Variants in ALPK2 observed in about 807,000 individuals in gnomAD.
The protein encoded by ALPK2 is alpha-protein kinase 2.
In ALPK2, 127 loss-of-function variants were observed where a neutral mutation model predicts 163.1. That is an observed-to-expected ratio of 0.78 (90% CI 0.67 to 0.90). ALPK2 has a LOEUF of 0.90. Among genes scored for constraint, ALPK2 ranks in the 40% least tolerant of loss-of-function variants. The pLI is 0.00. For missense variants in ALPK2, 2,360 were observed against 2,589.6 expected, an observed-to-expected ratio of 0.91 and a Z score of 1.92; for synonymous variants, 953 against 959.1, an observed-to-expected ratio of 0.99 and a Z score of 0.12.
At chr18:58,566,979 G>A (rs1044508013) in intron 4 of ALPK2, among the ~76,000 whole-genome samples, 12 of 152,020 alleles carry the variant, frequency 7.9e-5, no homozygotes, top group African/African-American at 2.9e-4. Context: ...AGAATCCTCA[G>A]ACCGCATATT....
At position 58,607,716 on chromosome 18, in the gene ALPK2, A is replaced by C. The variant is rs112168216; in HGVS notation, c.110-277T>G. 2.5e-3 allele frequency among the ~76,000 whole-genome samples: 384 copies of C among 152,340 alleles called. 4 individuals carry two copies. Among genetic ancestry groups the C allele is most frequent in the African/African-American group, 8.8e-3 (367 of 41,578 alleles). Reference sequence around the variant, plus strand: ...TACCCCTAATCTCAACGTGCTATTAAGAAAAATTTTCCAATACTTGGAAAT... The same window carrying C: ...TACCCCTAATCTCAACGTGCTATTACGAAAAATTTTCCAATACTTGGAAAT... On this transcript the variant is annotated intron_variant, in intron 2 of 12. Transcript: ENST00000361673.
rs1269823991 is a variant in ALPK2, at chr18:58,481,711, A to C, written c.*112T>G. On this transcript the variant is annotated 3_prime_UTR_variant, in exon 13 of 13. Transcript: ENST00000361673. Reference sequence around the variant, plus strand: ...TCTTGGCGCACAGTCGGCTGGGAGTAAGGATTGCCACGCACTCTCTGCAGG... The same window carrying C: ...TCTTGGCGCACAGTCGGCTGGGAGTCAGGATTGCCACGCACTCTCTGCAGG... 3.6e-6 allele frequency: 3 copies of C among 827,572 alleles called. No homozygotes were observed. Among genetic ancestry groups the C allele is most frequent in the African/African-American group, 1.7e-5 (1 of 58,480 alleles). The allele number at this position is 827,572 out of a possible 1,614,324, so 51.3% of individuals were successfully genotyped here. A position where few individuals can be genotyped will look rare whatever the true frequency, so the allele number is the denominator to read the frequency against.
intron 10 of ALPK2, among the ~76,000 whole-genome samples, chr18:58,507,202 T>C (rs1230491896): frequency 6.6e-6 from 1 of 152,218 alleles, no homozygotes; most frequent in African/African-American, 2.4e-5. Flanking sequence ...ATATGTTTAA[T>C]GGATCAGAAG....
intron 3 of ALPK2, among the ~76,000 whole-genome samples, chr18:58,587,327 C>T (rs114375087): frequency 1.6e-3 from 244 of 152,250 alleles, no homozygotes; most frequent in African/African-American, 5.6e-3. Context: ...AGAGTTGCCA[C>T]GTTACATTGT....
At position 58,529,112 on chromosome 18, in the gene ALPK2, G is replaced by A. The variant is rs773604459; in HGVS notation, c.5480C>T (p.Ser1827Phe). The A allele has an allele frequency of 6.2e-7, 1 of 1,614,076 alleles. No homozygotes were observed. The highest frequency in any genetic ancestry group is 2.2e-5 in the East Asian group (1 of 44,868). The change falls in exon 6 of 13, where the codon TCC becomes TTC. Residue 1827 changes from serine (S) to phenylalanine (F), a missense_variant. Ser to Phe is a radical substitution (Grantham distance 155). Coordinates refer to ENST00000361673, the MANE Select transcript of ALPK2 (RefSeq NM_052947.4). ...STICWTKDSK[S>F]IAQVQRSAGD... ...GCACCTTCTCTGCACTTGGGCTATG[G>A]ACTTTGAATCTTTTGTCCAGCAGAT...
At chr18:58,549,096 G>A (rs1240250244) in intron 4 of ALPK2, among the ~76,000 whole-genome samples, 2 of 152,132 alleles carry the variant, frequency 1.3e-5, no homozygotes, top group East Asian at 1.9e-4. Context: ...GATCTAAACC[G>A]AAGCTTTATG....
chr18:58,544,645 A>G lies in ALPK2; in HGVS notation c.1963-6421T>C, dbSNP rs571618169. The G allele has an allele frequency of 7.2e-5, 11 of 152,374 alleles. No individual in the cohort carries two copies. In the South Asian group the frequency reaches 2.3e-3, roughly 32 times the overall value. 9.4% of individuals were successfully genotyped at this position (152,374 alleles called of 1,614,324 possible). ...ACAGAGTGTGGAAGGTCACCACTGT[A>G]TCATCCTCTTCCATTTCAACGATAA... On this transcript the variant is annotated intron_variant, in intron 4 of 12. Coordinates refer to ENST00000361673, the MANE Select transcript of ALPK2 (RefSeq NM_052947.4).
intron 4 of ALPK2, among the ~76,000 whole-genome samples, chr18:58,564,350 G>A (rs933560339): frequency 2.0e-5 from 3 of 151,744 alleles, no homozygotes; most frequent in Admixed American, 6.6e-5. Flanking sequence ...TCCAACTCCC[G>A]ACCTCAGGTG....
Position 58,536,840 on chromosome 18 carries a change from C to G in ALPK2, c.3347G>C (p.Arg1116Thr). ...CTCTTCATAGCTCCTAAAGTCTGCT[C>G]TGTCCACAGTCTGGCTCTTATCTCC... ...LSGDKSQTVD[R>T]ADFRSYEENF... Residue 1116 changes from arginine (R) to threonine (T), a missense_variant, in exon 5 of 13, where the codon AGA becomes ACA. Transcript: ENST00000361673. 1 of 1,614,168 alleles carries G rather than the reference C, an allele frequency of 6.2e-7. No individual in the cohort carries two copies. Among genetic ancestry groups the G allele is most frequent in the Non-Finnish European group, 8.5e-7 (1 of 1,180,020 alleles).
Position 58,610,758 on chromosome 18 carries a change from G to A in ALPK2, c.109+931C>T, listed in dbSNP as rs533204004. Among the ~76,000 whole-genome samples the A allele has an allele frequency of 2.3e-3, 347 of 151,712 alleles. 2 individuals carry two copies. Among genetic ancestry groups the A allele is most frequent in the African/African-American group, 8.2e-3 (339 of 41,324 alleles). ...AGATGGAGACCATCCTGGCCAACAT[G>A]GTGAACCACCCCCCTCCCCCCGTCC... On this transcript the variant is annotated intron_variant, in intron 2 of 12. Transcript: ENST00000361673.
chr18:58,606,457 C>A (rs900858661), intron 3 of ALPK2, among the ~76,000 whole-genome samples: 39 of 152,208 alleles, frequency 2.6e-4, no homozygotes, highest in African/African-American at 9.2e-4. Context: ...TACAATGAAA[C>A]TTCTACAAGC....
At chr18:58,513,730 A>G (rs1185877961) in intron 10 of ALPK2, among the ~76,000 whole-genome samples, 2 of 152,122 alleles carry the variant, frequency 1.3e-5, no homozygotes, top group Non-Finnish European at 2.9e-5. Context: ...ATTTTTTTTA[A>G]TTAGCCAGGT....
intron 4 of ALPK2, among the ~76,000 whole-genome samples, chr18:58,568,661 A>C (rs1432418035): frequency 6.6e-6 from 1 of 152,190 alleles, no homozygotes; most frequent in Non-Finnish European, 1.5e-5. Flanking sequence ...TTTGGGGAAA[A>C]ATTGCATCTT....
intron 4 of ALPK2, among the ~76,000 whole-genome samples, chr18:58,558,426 T>C (rs2051806065): frequency 6.6e-6 from 1 of 152,200 alleles, no homozygotes; most frequent in African/African-American, 2.4e-5. Context: ...TTTTAAAAAT[T>C]TGGCTTCCAA....
At position 58,536,269 on chromosome 18, in the gene ALPK2, G is replaced by A. The variant is rs761632782; in HGVS notation, c.3918C>T (p.Ala1306=). 6.2e-7 allele frequency: 1 copy of A among 1,614,046 alleles called. No homozygotes were observed. The highest frequency in any genetic ancestry group is 1.7e-5 in the Admixed American group (1 of 60,004). ...LAHSPEDAES[A]LADSRESHKG... ...TATGGCTTTCTCTGCTATCAGCAAG[G>A]GCTGACTCAGCATCCTCTGGACTGT... Residue 1306 remains alanine (A), a synonymous_variant, in exon 5 of 13, where the codon GCC becomes GCT. Coordinates refer to ENST00000361673, the MANE Select transcript of ALPK2 (RefSeq NM_052947.4).
chr18:58,484,040 G>A (rs2051325613), intron 12 of ALPK2, among the ~76,000 whole-genome samples: 1 of 152,134 alleles, frequency 6.6e-6, no homozygotes, highest in African/African-American at 2.4e-5. Flanking sequence ...TAAATTCTGT[G>A]ATAGCAGAGG....
intron 4 of ALPK2, among the ~76,000 whole-genome samples, chr18:58,553,043 T>G (rs1231125886): frequency 6.6e-6 from 1 of 152,108 alleles, no homozygotes; most frequent in Non-Finnish European, 1.5e-5. Flanking sequence ...CATGTGATGA[T>G]GGAGGCAGAG....
chr18:58,521,235 G>C (rs1482570431), intron 8 of ALPK2, among the ~76,000 whole-genome samples: 6 of 152,140 alleles, frequency 3.9e-5, no homozygotes, highest in Non-Finnish European at 8.8e-5. Context: ...CCACCAAGTG[G>C]CCAGTAGCTT....
chr18:58,537,301 CTT>C lies in ALPK2; in HGVS notation c.2884_2885del (p.Lys962GlufsTer5). 6.2e-7 allele frequency: 1 copy of C among 1,614,156 alleles called. No individual in the cohort carries two copies. The highest frequency in any genetic ancestry group is 1.3e-5 in the African/African-American group (1 of 75,046). ...TGTCTGCGGCACTAGGACTGGGGCT[CTT>C]GTCACCTCCTTCTTTAAATTGCACT... ...PLVQFKEGGDKSPSPSAADTT... is the reference protein window; with the variant it reads ...PLVQFKEGGDXSPSPSAADTT... On this transcript the variant is annotated frameshift_variant, in exon 5 of 13. Transcript: ENST00000361673. LOFTEE classifies it high-confidence loss of function.
Sources: gnomAD v4.1 joint callset for allele counts (sites outside exome capture counted in the v4.1 genomes callset) on GRCh38, gnomAD v4.1.1 for gene constraint, MANE v1.5 for transcripts, NCBI Gene and HGNC (gene_info 2026-07-23, HGNC 2026-07-21) for gene names.